SH3RF3: variants seen among roughly 807,000 people sequenced by gnomAD.
The protein encoded by SH3RF3 is SH3 domain containing ring finger 3.
In SH3RF3, 29 loss-of-function variants were observed where a neutral mutation model predicts 66.3. The ratio of observed to expected loss-of-function variants is 0.44; its 90% CI spans 0.33 to 0.60. The LOEUF is 0.60. Among genes scored for constraint, SH3RF3 ranks in the 20% least tolerant of loss-of-function variants. The pLI, the probability that SH3RF3 is intolerant of heterozygous loss-of-function variation, is 0.04. For missense variants in SH3RF3, 1,194 were observed against 1,190.9 expected, an observed-to-expected ratio of 1.00 and a Z score of -0.04; for synonymous variants, 583 against 532.0, an observed-to-expected ratio of 1.10 and a Z score of -1.32.
Position 109,503,414 on chromosome 2 carries a change from G to T in SH3RF3, c.*1743G>T, listed in dbSNP as rs1023416528. 1 of 152,078 alleles carries T rather than the reference G, an allele frequency of 6.6e-6. No homozygotes were observed. Among genetic ancestry groups the T allele is most frequent in the African/African-American group, 2.4e-5 (1 of 41,394 alleles). 9.4% of individuals were successfully genotyped at this position (152,078 alleles called of 1,614,324 possible). A position where few individuals can be genotyped will look rare whatever the true frequency, so the allele number is the denominator to read the frequency against. ...CTTGGCTACTTGTTACTTCCAGGTG[G>T]TCACCACACGGCGGGGGTCATGCCT... On this transcript the variant is annotated 3_prime_UTR_variant, in exon 10 of 10. Transcript: ENST00000309415.
intron 2 of SH3RF3, among the ~76,000 whole-genome samples, chr2:109,356,054 A>G (rs1185158126): frequency 6.6e-6 from 1 of 152,154 alleles, no homozygotes; most frequent in Non-Finnish European, 1.5e-5. Context: ...GAATGTTTTC[A>G]TTGCCCAGCA....
chr2:109,438,285 G>A (rs964689840), intron 7 of SH3RF3, among the ~76,000 whole-genome samples: 5 of 152,096 alleles, frequency 3.3e-5, no homozygotes, highest in African/African-American at 1.2e-4. Context: ...GCCCAGCATC[G>A]TCACTGGGTG....
chr2:109,413,686 G>A (rs1676652399), intron 4 of SH3RF3, among the ~76,000 whole-genome samples: 1 of 152,170 alleles, frequency 6.6e-6, no homozygotes, highest in Non-Finnish European at 1.5e-5. Flanking sequence ...CAGCACGCCT[G>A]CCCCCACCAG....
At chr2:109,257,849 C>T (rs1391625414) in intron 1 of SH3RF3, among the ~76,000 whole-genome samples, 2 of 152,134 alleles carry the variant, frequency 1.3e-5, no homozygotes, top group African/African-American at 4.8e-5. Context: ...CCCACTTTCC[C>T]AGTGAGTCAC....
chr2:109,355,798 T>A (rs916566323), intron 2 of SH3RF3, among the ~76,000 whole-genome samples: 1 of 152,246 alleles, frequency 6.6e-6, no homozygotes, highest in South Asian at 2.1e-4. Flanking sequence ...ACAAAGCCCA[T>A]TTGGTGTTTT....
intron 8 of SH3RF3, among the ~76,000 whole-genome samples, chr2:109,475,385 A>G (rs2104743032): frequency 6.6e-6 from 1 of 152,324 alleles, no homozygotes; most frequent in Admixed American, 6.5e-5. Context: ...CAAAGTGGCT[A>G]CCAGTCCCCC....
In SH3RF3 at chr2:109,129,593, C is replaced by A; in HGVS notation, c.53C>A (p.Ala18Glu). The change falls in exon 1 of 10, where the codon GCG (alanine) becomes GAG (glutamate). Residue 18 changes from alanine (A) to glutamate (E), a missense_variant. Transcript: ENST00000309415. ...LCASKAAAAAAQSEGDEDRPG... is the reference protein window; with the variant it reads ...LCASKAAAAAEQSEGDEDRPG... Reference sequence around the variant, plus strand: ...GCATCCAAGGCGGCCGCCGCTGCTGCGCAGAGCGAGGGCGACGAGGACAGG... The same window carrying A: ...GCATCCAAGGCGGCCGCCGCTGCTGAGCAGAGCGAGGGCGACGAGGACAGG... The A allele has an allele frequency of 6.7e-7, 1 of 1,483,636 alleles. No individual in the cohort carries two copies. Among genetic ancestry groups the A allele is most frequent in the Non-Finnish European group, 8.9e-7 (1 of 1,125,880 alleles). The allele number at this position is 1,483,636 out of a possible 1,614,324, so 91.9% of individuals were successfully genotyped here. A position where few individuals can be genotyped will look rare whatever the true frequency, so the allele number is the denominator to read the frequency against.
chr2:109,283,469 G>T (rs1680943525), intron 1 of SH3RF3, among the ~76,000 whole-genome samples: 1 of 152,246 alleles, frequency 6.6e-6, no homozygotes, highest in African/African-American at 2.4e-5. Context: ...AGAAATGCTG[G>T]TGACCACAGA....
At chr2:109,199,058 CT>C (rs1476169616) in intron 1 of SH3RF3, among the ~76,000 whole-genome samples, 5 of 152,066 alleles carry the variant, frequency 3.3e-5, no homozygotes, top group African/African-American at 1.2e-4. Flanking sequence ...CACAGTTCCA[CT>C]TAAAAAATGG....
At chr2:109,472,600 CATCT>C (rs1168986096) in intron 8 of SH3RF3, among the ~76,000 whole-genome samples, 2 of 152,182 alleles carry the variant, frequency 1.3e-5, no homozygotes, top group African/African-American at 2.4e-5. Context: ...GATTTCCATC[CATCT>C]GTTTCATTTA....
At chr2:109,405,609 AG>A in intron 4 of SH3RF3, among the ~76,000 whole-genome samples, 1 of 152,184 alleles carries the variant, frequency 6.6e-6, no homozygotes, top group Middle Eastern at 3.4e-3. Flanking sequence ...TCTACCTACC[AG>A]GCAACACACA....
At chr2:109,435,719 A>C (rs1414428213) in intron 6 of SH3RF3, among the ~76,000 whole-genome samples, 1 of 152,240 alleles carries the variant, frequency 6.6e-6, no homozygotes. Context: ...AGACTTGTCA[A>C]TATCACCTTG....
intron 2 of SH3RF3, 115 bp from the exon 3 acceptor site, chr2:109,371,471 G>T: frequency 2.6e-6 from 2 of 768,526 alleles, no homozygotes; most frequent in South Asian, 3.3e-5. Context: ...CACTCTTCTT[G>T]AACTCATTCC....
At chr2:109,307,778 ACT>A (rs1681634551) in intron 1 of SH3RF3, among the ~76,000 whole-genome samples, 2 of 147,344 alleles carry the variant, frequency 1.4e-5, no homozygotes, top group Admixed American at 1.3e-4. Flanking sequence ...GCTGCATAGT[ACT>A]CCATGGTGTA....
intron 1 of SH3RF3, among the ~76,000 whole-genome samples, chr2:109,272,705 G>T (rs1448995974): frequency 6.6e-6 from 1 of 152,252 alleles, no homozygotes; most frequent in Non-Finnish European, 1.5e-5. Flanking sequence ...GCTGGGCTGT[G>T]TGTGGTCAGC....
intron 1 of SH3RF3, among the ~76,000 whole-genome samples, chr2:109,258,214 G>A (rs183133074): frequency 2.6e-5 from 4 of 152,302 alleles, no homozygotes; most frequent in South Asian, 2.1e-4. Context: ...TAGTGGCCAG[G>A]TTTCCAGGAG....
intron 1 of SH3RF3, among the ~76,000 whole-genome samples, chr2:109,216,316 C>A (rs1452246426): frequency 6.6e-6 from 1 of 152,224 alleles, no homozygotes; most frequent in Non-Finnish European, 1.5e-5. Flanking sequence ...GCATTCTCAG[C>A]TTAGTGATCC....
At chr2:109,317,762 C>T (rs551532102) in intron 1 of SH3RF3, among the ~76,000 whole-genome samples, 15 of 152,264 alleles carry the variant, frequency 9.9e-5, no homozygotes, top group Middle Eastern at 6.8e-3. Flanking sequence ...GGCTTCTGCT[C>T]GTGAGTGCCT....
At chr2:109,475,947 A>T (rs976168403) in intron 8 of SH3RF3, among the ~76,000 whole-genome samples, 2 of 152,030 alleles carry the variant, frequency 1.3e-5, no homozygotes, top group Non-Finnish European at 2.9e-5. Flanking sequence ...CCAACCAAAA[A>T]CTTCCTGTGG....
Sources: allele counts gnomAD v4.1 joint callset (sites outside exome capture counted in the v4.1 genomes callset), GRCh38; gene constraint gnomAD v4.1.1; transcripts MANE v1.5; gene names NCBI Gene and HGNC (gene_info 2026-07-23, HGNC 2026-07-21).